ASTN2: variants seen among roughly 807,000 people sequenced by gnomAD.
The protein encoded by ASTN2 is astrotactin 2, also known as astrotactin-2.
Under a neutral mutation model 139.8 loss-of-function variants are expected in ASTN2, and 54 were observed. That is an observed-to-expected ratio of 0.39 (90% CI 0.31 to 0.48). The LOEUF is 0.48. Ranked by LOEUF, ASTN2 falls within the 20% of genes least tolerant of loss-of-function variation. ASTN2 has a pLI of 0.95. For synonymous variants in ASTN2, 756 were observed against 719.5 expected, an observed-to-expected ratio of 1.05 and a Z score of -0.81; for missense variants, 1,565 against 1,725.1, an observed-to-expected ratio of 0.91 and a Z score of 1.64.
chr9:116,561,309 C>T (rs931755296), intron 19 of ASTN2, among the ~76,000 whole-genome samples: 2 of 152,128 alleles, frequency 1.3e-5, no homozygotes, highest in Non-Finnish European at 1.5e-5. Context: ...CTCCTCAATG[C>T]CTTGACTGAA....
intron 5 of ASTN2, among the ~76,000 whole-genome samples, chr9:117,071,172 T>G (rs1326206271): frequency 1.3e-5 from 2 of 150,362 alleles, no homozygotes; most frequent in Non-Finnish European, 2.9e-5. Flanking sequence ...ATGATGGTGA[T>G]GTACAGATGG....
intron 7 of ASTN2, among the ~76,000 whole-genome samples, chr9:116,981,947 T>A (rs1269386493): frequency 2.6e-5 from 4 of 152,238 alleles, no homozygotes; most frequent in Non-Finnish European, 5.9e-5. Context: ...TGAGTTGTGT[T>A]GGTTTTAAAA....
intron 10 of ASTN2, among the ~76,000 whole-genome samples, chr9:116,960,504 T>A (rs1276068508): frequency 1.3e-5 from 2 of 151,208 alleles, no homozygotes; most frequent in Non-Finnish European, 2.9e-5. Context: ...TCAATAGGAC[T>A]AATATACCTT....
At chr9:117,148,439 T>G (rs1830251401) in intron 3 of ASTN2, among the ~76,000 whole-genome samples, 1 of 152,238 alleles carries the variant, frequency 6.6e-6, no homozygotes. Context: ...CTCATTCATT[T>G]TGAAATTTTT....
At chr9:116,850,787 A>C (rs1832576416) in intron 11 of ASTN2, among the ~76,000 whole-genome samples, 1 of 152,212 alleles carries the variant, frequency 6.6e-6, no homozygotes, top group Non-Finnish European at 1.5e-5. Context: ...GGAGAAAAAT[A>C]AATACGCTCA....
intron 1 of ASTN2, among the ~76,000 whole-genome samples, chr9:117,324,032 T>C (rs1410796759): frequency 6.6e-6 from 1 of 152,014 alleles, no homozygotes; most frequent in African/African-American, 2.4e-5. Context: ...GAGAAAGAAG[T>C]GCCAATCAGC....
At chr9:117,182,711 C>A (rs924337588) in intron 3 of ASTN2, among the ~76,000 whole-genome samples, 1 of 152,016 alleles carries the variant, frequency 6.6e-6, no homozygotes, top group Non-Finnish European at 1.5e-5. Context: ...CATCTTAGGG[C>A]AATCCCAGTC....
At position 117,117,738 on chromosome 9, in the gene ASTN2, G is replaced by C. The variant is rs376358989; in HGVS notation, c.1169-21587C>G. 2.6e-5 allele frequency among the ~76,000 whole-genome samples: 4 copies of C among 152,282 alleles called. No individual in the cohort carries two copies. The East Asian group carries it at 7.7e-4, about 29-fold the overall frequency. On this transcript the variant is annotated intron_variant, in intron 4 of 22. Transcript: ENST00000313400. ...ACATAAATAATCTACCATGTGCTGA[G>C]AGTCTGACTTTTTCTTTCCCTGAGC...
chr9:116,516,446 T>C (rs1850652816), intron 19 of ASTN2, among the ~76,000 whole-genome samples: 1 of 152,224 alleles, frequency 6.6e-6, no homozygotes, highest in African/African-American at 2.4e-5. Context: ...GTAATGATGA[T>C]CATTATGATA....
At chr9:117,253,667 G>A (rs1361311773) in intron 2 of ASTN2, among the ~76,000 whole-genome samples, 3 of 152,176 alleles carry the variant, frequency 2.0e-5, no homozygotes, top group Admixed American at 6.5e-5. Flanking sequence ...ACAAGGAAAT[G>A]GAAGCCAGAG....
chr9:117,158,276 A>G (rs1830473175), intron 3 of ASTN2, among the ~76,000 whole-genome samples: 1 of 152,064 alleles, frequency 6.6e-6, no homozygotes. Context: ...AAGGAAATAG[A>G]AAACAGGACA....
chr9:117,169,608 T>C (rs116800715), intron 3 of ASTN2, among the ~76,000 whole-genome samples: 1 of 152,134 alleles, frequency 6.6e-6, no homozygotes, highest in African/African-American at 2.4e-5. Context: ...AGGAAGCCAC[T>C]AGAAAAAAGG....
intron 19 of ASTN2, among the ~76,000 whole-genome samples, chr9:116,500,679 G>A (rs530698979): frequency 3.3e-5 from 5 of 152,296 alleles, no homozygotes; most frequent in Middle Eastern, 3.4e-3. Flanking sequence ...AGCAAGTGAC[G>A]TCATCTTTTT....
chr9:117,081,464 C>G (rs1282573301), intron 5 of ASTN2, among the ~76,000 whole-genome samples: 1 of 152,164 alleles, frequency 6.6e-6, no homozygotes, highest in Admixed American at 6.5e-5. Context: ...AAATAGCCTC[C>G]AACATTCCCA....
chr9:116,482,616 G>A (rs1849207542), intron 20 of ASTN2, among the ~76,000 whole-genome samples: 1 of 152,018 alleles, frequency 6.6e-6, no homozygotes, highest in Non-Finnish European at 1.5e-5. Flanking sequence ...CTGACCCAAC[G>A]TACCACTGAG....
chr9:116,988,688 T>G (rs557531294), intron 7 of ASTN2, among the ~76,000 whole-genome samples: 3 of 152,226 alleles, frequency 2.0e-5, no homozygotes, highest in East Asian at 3.9e-4. Flanking sequence ...TCACCTCAAC[T>G]GTACCATATA....
chr9:117,396,935 C>T (rs989692571), intron 1 of ASTN2, among the ~76,000 whole-genome samples: 1 of 136,290 alleles, frequency 7.3e-6, no homozygotes, highest in Non-Finnish European at 1.5e-5. Flanking sequence ...TATCCATCCA[C>T]TCAAGCTTTT....
At chr9:117,342,093 T>A (rs1385288355) in intron 1 of ASTN2, among the ~76,000 whole-genome samples, 1 of 152,188 alleles carries the variant, frequency 6.6e-6, no homozygotes, top group Admixed American at 6.5e-5. Context: ...ATATTTAGCA[T>A]CTCCATTTCA....
At chr9:117,297,593 G>C (rs914653596) in intron 1 of ASTN2, among the ~76,000 whole-genome samples, 1 of 152,178 alleles carries the variant, frequency 6.6e-6, no homozygotes, top group African/African-American at 2.4e-5. Flanking sequence ...CTTGGGCTAG[G>C]TTAAGGCAAA....
Sources: allele counts gnomAD v4.1 joint callset (sites outside exome capture counted in the v4.1 genomes callset), GRCh38; gene constraint gnomAD v4.1.1; transcripts MANE v1.5; gene names NCBI Gene and HGNC (gene_info 2026-07-23, HGNC 2026-07-21).